DCAF8L2: variants seen among roughly 807,000 people sequenced by gnomAD.
DCAF8L2 encodes DDB1- and CUL4-associated factor 8-like protein 2.
For synonymous variants in DCAF8L2, 200 were observed against 190.9 expected (o/e 1.05, Z -0.39); for missense variants, 430 against 490.7 (o/e 0.88, Z 1.17).
chrX:27,685,371 C>T lies in DCAF8L2; in HGVS notation c.-143+7459C>T, dbSNP rs1398625091. On this transcript the variant is annotated intron_variant, in intron 3 of 4. Coordinates refer to ENST00000451261, the MANE Select transcript of DCAF8L2 (RefSeq NM_001353450.2). ...AAGAAATAATTTGTGGGTGACAAGA[C>T]TTTCTACCATAAGACAATTTCATTC... is the stretch of plus-strand genomic sequence containing the variant. 1.8e-5 allele frequency among the ~76,000 whole-genome samples: 2 copies of T among 111,534 alleles called. 1 individual carries two copies. The highest frequency in any genetic ancestry group is 3.8e-5 in the Non-Finnish European group (2 of 53,064).
At chrX:27,578,904 A>AC in the DCAF8L2 span, among the ~76,000 whole-genome samples, 3 of 110,775 alleles carry the variant, frequency 2.7e-5, no homozygotes, top group African/African-American at 9.9e-5. Flanking sequence ...CAAAAAAAAA[A>AC]AAAACAGATG....
chrX:27,518,311 C>T, the DCAF8L2 span: 10 of 1,079,431 alleles, frequency 9.3e-6, no homozygotes, highest in Non-Finnish European at 1.2e-5. Context: ...CACAAACTAA[C>T]AAAAGAACAG....
chrX:27,518,506 G>A, the DCAF8L2 span: 623 of 385,347 alleles, frequency 1.6e-3, 7 homozygotes, highest in South Asian at 0.019. Context: ...TTGGGAGGCC[G>A]AGGCAGGCGG....
intron 4 of DCAF8L2, among the ~76,000 whole-genome samples, chrX:27,739,373 A>G (rs1018723306): frequency 1.5e-4 from 17 of 111,768 alleles, no homozygotes; most frequent in Non-Finnish European, 2.6e-4. Context: ...TGGCACAGTC[A>G]ATCACACTCA....
intron 3 of DCAF8L2, among the ~76,000 whole-genome samples, chrX:27,700,096 T>C: frequency 9.0e-6 from 1 of 111,122 alleles, no homozygotes; most frequent in East Asian, 2.8e-4. Context: ...ACTGATAAAA[T>C]CTAGGCTGGA....
intron 3 of DCAF8L2, among the ~76,000 whole-genome samples, chrX:27,680,594 A>ATT (rs894985536): frequency 1.4e-4 from 15 of 108,627 alleles, no homozygotes; most frequent in African/African-American, 4.7e-4. Flanking sequence ...CCCTTTCTCT[A>ATT]TTTTTTTTTG....
intron 1 of DCAF8L2, among the ~76,000 whole-genome samples, chrX:27,614,806 T>C (rs1927377577): frequency 8.9e-6 from 1 of 111,822 alleles, no homozygotes; most frequent in Non-Finnish European, 1.9e-5. Context: ...GATTGCACTG[T>C]GGTCTGAGAG....
intron 1 of DCAF8L2, among the ~76,000 whole-genome samples, chrX:27,618,890 T>A (rs1391415183): frequency 9.0e-6 from 1 of 111,226 alleles, no homozygotes; most frequent in Non-Finnish European, 1.9e-5. Flanking sequence ...AGTTTTTTTT[T>A]AAATAACAAA....
the DCAF8L2 span, among the ~76,000 whole-genome samples, chrX:27,542,675 T>C: frequency 1.9e-5 from 2 of 103,537 alleles, no homozygotes; most frequent in African/African-American, 7.0e-5. Context: ...CCCAAGTAGC[T>C]GGGACTACAG....
chrX:27,684,319 C>T (rs1249729564), intron 3 of DCAF8L2, among the ~76,000 whole-genome samples: 1 of 111,710 alleles, frequency 9.0e-6, no homozygotes, highest in Non-Finnish European at 1.9e-5. Flanking sequence ...AGGATCTCAT[C>T]ATCTGAGATA....
At chrX:27,610,382 T>G (rs1419228749) in intron 1 of DCAF8L2, among the ~76,000 whole-genome samples, 1 of 110,578 alleles carries the variant, frequency 9.0e-6, no homozygotes, top group Non-Finnish European at 1.9e-5. Context: ...TGTGTATATG[T>G]GTGCCTGTGT....
At chrX:27,550,094 A>G in the DCAF8L2 span, among the ~76,000 whole-genome samples, 2 of 111,945 alleles carry the variant, frequency 1.8e-5, no homozygotes, top group African/African-American at 6.5e-5. Context: ...TCATTCTATG[A>G]TAATTAGCAT....
chrX:27,664,187 G>T (rs113574318), intron 2 of DCAF8L2, among the ~76,000 whole-genome samples: 1,935 of 111,134 alleles, frequency 0.017, 42 homozygotes, highest in African/African-American at 0.058. Context: ...TAGACAAGTT[G>T]TAAATGCAAG....
chrX:27,702,485 T>C lies in DCAF8L2; in HGVS notation c.-142-13603T>C, dbSNP rs772882048. ...AAACTAGACAACTGAATATAGAGCA[T>C]AAAAAAATAACTTCACATCATCACT... is the stretch of plus-strand genomic sequence containing the variant. On this transcript the variant is annotated intron_variant, in intron 3 of 4. Transcript: ENST00000451261. Among the ~76,000 whole-genome samples, 4 of 108,931 alleles carry C rather than the reference T, an allele frequency of 3.7e-5. No individual in the cohort carries two copies. The South Asian group carries it at 1.5e-3, about 42-fold the overall frequency. The allele number at this position is 108,931 out of a possible 115,157, so 94.6% of individuals were successfully genotyped here. A position where few individuals can be genotyped will look rare whatever the true frequency, so the allele number is the denominator to read the frequency against.
the DCAF8L2 span, among the ~76,000 whole-genome samples, chrX:27,552,189 T>C: frequency 8.9e-6 from 1 of 111,743 alleles, no homozygotes; most frequent in Non-Finnish European, 1.9e-5. Flanking sequence ...CAATATATTC[T>C]AAATATTAAC....
At chrX:27,693,009 A>G (rs1006644372) in intron 3 of DCAF8L2, among the ~76,000 whole-genome samples, 1 of 112,063 alleles carries the variant, frequency 8.9e-6, no homozygotes, top group African/African-American at 3.2e-5. Context: ...TATGCAATAT[A>G]TGTGCCAGTG....
At position 27,749,786 on chromosome X, in the gene DCAF8L2, T is replaced by C. The variant is rs1922471628; in HGVS notation, c.*995T>C. 8.9e-6 allele frequency among the ~76,000 whole-genome samples: 1 copy of C among 112,383 alleles called. No individual in the cohort carries two copies. The highest frequency in any genetic ancestry group is 9.4e-5 in the Admixed American group (1 of 10,587). On this transcript the variant is annotated 3_prime_UTR_variant, in exon 5 of 5. Coordinates refer to ENST00000451261, the MANE Select transcript of DCAF8L2 (RefSeq NM_001353450.2). Reference sequence around the variant, plus strand: ...ACTTACACATAACCATTTGGTGTAATTGGTAGAAAAATCCTATTTGACATC... The same window carrying C: ...ACTTACACATAACCATTTGGTGTAACTGGTAGAAAAATCCTATTTGACATC...
chrX:27,689,354 C>T (rs1316673177), intron 3 of DCAF8L2, among the ~76,000 whole-genome samples: 1 of 112,017 alleles, frequency 8.9e-6, no homozygotes, highest in Non-Finnish European at 1.9e-5. Context: ...AAGTGATTCT[C>T]CTGCCACAGC....
At chrX:27,579,864 A>C in the DCAF8L2 span, among the ~76,000 whole-genome samples, 36 of 109,404 alleles carry the variant, frequency 3.3e-4, no homozygotes, top group Middle Eastern at 0.019. Context: ...CCCTCTTCTC[A>C]CTAATTTTTC....
Sources: gnomAD v4.1 joint callset for allele counts (sites outside exome capture counted in the v4.1 genomes callset) on GRCh38, gnomAD v4.1.1 for gene constraint, MANE v1.5 for transcripts, NCBI Gene and HGNC (gene_info 2026-07-23, HGNC 2026-07-21) for gene names.